PITPNM2: variants seen among roughly 807,000 people sequenced by gnomAD.
PITPNM2 encodes phosphatidylinositol transfer protein membrane associated 2.
Under a neutral mutation model 132.2 loss-of-function variants are expected in PITPNM2, and 35 were observed. The observed-to-expected ratio is 0.26, with a 90% CI of 0.20 to 0.35. PITPNM2 has a LOEUF of 0.35. PITPNM2 is among the 10% of genes least tolerant of loss of function. The pLI, the probability that PITPNM2 is intolerant of heterozygous loss-of-function variation, is 1.00. For synonymous variants in PITPNM2, 738 were observed against 799.2 expected (o/e 0.92, Z 1.29); for missense variants, 1,332 against 1,912.0 (o/e 0.70, Z 5.66).
intron 3 of PITPNM2, among the ~76,000 whole-genome samples, chr12:123,028,670 T>C (rs1436470463): frequency 1.3e-5 from 2 of 152,204 alleles, no homozygotes; most frequent in Admixed American, 6.5e-5. Flanking sequence ...CAATAAGCTG[T>C]ACACATGTAA....
intron 10 of PITPNM2, among the ~76,000 whole-genome samples, chr12:122,999,102 C>T (rs1228481277): frequency 6.7e-6 from 1 of 150,244 alleles, no homozygotes; most frequent in Non-Finnish European, 1.5e-5. Context: ...CAGAGTGAGA[C>T]CCTGTCTCCA....
chr12:123,121,579 C>T (rs1416228936), intron 1 of PITPNM2, among the ~76,000 whole-genome samples: 4 of 152,146 alleles, frequency 2.6e-5, no homozygotes, highest in African/African-American at 7.2e-5. Flanking sequence ...CAGGGTCTCA[C>T]TCTGTCATCC....
intron 2 of PITPNM2, among the ~76,000 whole-genome samples, chr12:123,040,261 TAC>T (rs1473859767): frequency 2.0e-5 from 3 of 152,242 alleles, no homozygotes; most frequent in African/African-American, 7.2e-5. Flanking sequence ...GTTTAATAGT[TAC>T]AGAGTTTCTA....
intron 1 of PITPNM2, among the ~76,000 whole-genome samples, chr12:123,143,686 C>T (rs752891544): frequency 1.3e-5 from 2 of 152,154 alleles, no homozygotes; most frequent in Non-Finnish European, 2.9e-5. Context: ...GCAGGGCTGC[C>T]GCCAGAACCC....
At position 123,070,664 on chromosome 12, in the gene PITPNM2, C is replaced by T. The variant is rs1052528330; in HGVS notation, c.-95-35979G>A. 2.0e-5 allele frequency among the ~76,000 whole-genome samples: 3 copies of T among 152,220 alleles called. 1 individual carries two copies. Among genetic ancestry groups the T allele is most frequent in the Non-Finnish European group, 4.4e-5 (3 of 68,024 alleles). On this transcript the variant is annotated intron_variant, in intron 2 of 25. Transcript: ENST00000320201. ...AGACAGGATGCTCCTCGGTGTGCCA[C>T]TTCCTCAAGCCAGGCAGTAACAGCT...
chr12:123,139,830 C>A (rs1359691483), intron 1 of PITPNM2, among the ~76,000 whole-genome samples: 1 of 152,204 alleles, frequency 6.6e-6, no homozygotes, highest in African/African-American at 2.4e-5. Context: ...CCCTGTCCAT[C>A]CCAGAGGCCA....
rs374880815 is a variant in PITPNM2 at position 123,068,283 on chromosome 12, C to T, written c.-95-33598G>A. On this transcript the variant is annotated intron_variant, in intron 2 of 25. Transcript: ENST00000320201. ...GAGATCGAGAACATCCTGGCTAACA[C>T]GGTGAAACCCCGTCTCTACTAAAAA... Among the ~76,000 whole-genome samples the T allele has an allele frequency of 2.6e-3, 388 of 152,022 alleles. 2 individuals are homozygous for T. Among genetic ancestry groups the T allele is most frequent in the African/African-American group, 8.7e-3 (360 of 41,460 alleles).
intron 1 of PITPNM2, among the ~76,000 whole-genome samples, chr12:123,112,740 A>G (rs374158233): frequency 4.6e-5 from 7 of 152,084 alleles, no homozygotes; most frequent in Middle Eastern, 6.8e-3. Context: ...GGGTTTCACC[A>G]TGTTAGCCAG....
chr12:123,071,918 C>G (rs1475959291), intron 2 of PITPNM2, among the ~76,000 whole-genome samples: 1 of 152,202 alleles, frequency 6.6e-6, no homozygotes, highest in Non-Finnish European at 1.5e-5. Context: ...AGTCCCGATC[C>G]TTTCCATCTC....
chr12:123,026,679 C>T (rs375507342), intron 3 of PITPNM2, among the ~76,000 whole-genome samples: 4 of 152,172 alleles, frequency 2.6e-5, no homozygotes, highest in Non-Finnish European at 5.9e-5. Flanking sequence ...TGGGTGGCTG[C>T]GCAGAAGCCC....
chr12:122,992,551 G>A lies in PITPNM2; in HGVS notation c.2352C>T (p.Ser784=), dbSNP rs1374977966. The A allele has an allele frequency of 6.2e-6, 10 of 1,611,364 alleles. No homozygotes were observed. The highest frequency in any genetic ancestry group is 4.4e-5 in the South Asian group (4 of 90,970). ...ERRFHALPPF[S]VPRYQRYPLG... ...GCGGGTAGCGTTGGTAGCGGGGGAC[G>A]CTGAAAGGCGGCAGGGCGTGAAAGC... Residue 784 remains serine (S), a synonymous_variant, in exon 16 of 26, where the codon AGC becomes AGT. Transcript: ENST00000320201. The surrounding 1 kb of genome is among the most constrained non-coding windows in gnomAD (Gnocchi z 6.5).
At chr12:123,092,409 C>T (rs1366412009) in intron 2 of PITPNM2, 1 of 152,262 alleles carries the variant, frequency 6.6e-6, no homozygotes, top group African/African-American at 2.4e-5. Context: ...GGACTCCATC[C>T]TCTGGAAAGC....
At chr12:123,107,400 G>A (rs2042743212) in intron 2 of PITPNM2, among the ~76,000 whole-genome samples, 2 of 152,174 alleles carry the variant, frequency 1.3e-5, no homozygotes, top group Admixed American at 1.3e-4. Context: ...CTTTAAGGCA[G>A]ACCCCTACTG....
intron 2 of PITPNM2, among the ~76,000 whole-genome samples, chr12:123,049,448 C>T (rs554752999): frequency 6.6e-6 from 1 of 152,332 alleles, no homozygotes; most frequent in African/African-American, 2.4e-5. Context: ...CGCCACTCTC[C>T]AGCCACATGG....
At chr12:123,056,588 C>T (rs773642165) in intron 2 of PITPNM2, among the ~76,000 whole-genome samples, 3 of 151,974 alleles carry the variant, frequency 2.0e-5, no homozygotes, top group Non-Finnish European at 4.4e-5. Context: ...CTCCTGCTGC[C>T]GGACACGAAG....
rs561431535 is a variant in PITPNM2, at chr12:123,119,110, C to T, written c.-199-8622G>A. ...GCCTAACTATTCCCTTTACCAAGGG[C>T]CTCTTCAGGACTCAAGTGATCCAAC... is the stretch of plus-strand genomic sequence containing the variant. On this transcript the variant is annotated intron_variant, in intron 1 of 25. Coordinates refer to ENST00000320201, the MANE Select transcript of PITPNM2 (RefSeq NM_020845.3). Among the ~76,000 whole-genome samples the T allele has an allele frequency of 3.3e-5, 5 of 152,236 alleles. No individual in the cohort carries two copies. In the East Asian group the frequency reaches 9.7e-4, roughly 29 times the overall value.
At chr12:123,006,410 C>A (rs2038936630) in intron 6 of PITPNM2, among the ~76,000 whole-genome samples, 1 of 151,546 alleles carries the variant, frequency 6.6e-6, no homozygotes, top group South Asian at 2.1e-4. Flanking sequence ...GTATAAAAAA[C>A]AATTAAAGGG....
intron 2 of PITPNM2, among the ~76,000 whole-genome samples, chr12:123,068,069 C>T (rs917498968): frequency 1.3e-5 from 2 of 152,234 alleles, no homozygotes; most frequent in South Asian, 2.1e-4. Context: ...AGTGCACTGG[C>T]CTCCCCCTGC....
intron 3 of PITPNM2, among the ~76,000 whole-genome samples, chr12:123,030,102 C>T (rs965765873): frequency 3.3e-5 from 5 of 151,238 alleles, no homozygotes; most frequent in Admixed American, 3.3e-4. Flanking sequence ...TCAGAAAAGC[C>T]TCCGAGAAGG....
Sources: allele counts gnomAD v4.1 joint callset (sites outside exome capture counted in the v4.1 genomes callset), GRCh38; gene constraint gnomAD v4.1.1; non-coding constraint Gnocchi (gnomAD v3.1); transcripts MANE v1.5; gene names NCBI Gene and HGNC (gene_info 2026-07-23, HGNC 2026-07-21).